DRC3: variants seen among roughly 807,000 people sequenced by gnomAD.
DRC3 encodes the protein leucine rich repeat containing 48.
DRC3 carries 45 observed loss-of-function variants against 57.6 expected under a neutral mutation model. The ratio of observed to expected loss-of-function variants is 0.78; its 90% CI spans 0.62 to 1.00. The LOEUF is 1.00. DRC3 is among the 50% of genes least tolerant of loss of function. DRC3 has a pLI of 0.00. For synonymous variants in DRC3, 257 were observed against 272.3 expected (o/e 0.94, Z 0.55); for missense variants, 655 against 675.2 (o/e 0.97, Z 0.33).
chr17:17,992,690 G>A, intron 5 of DRC3, 75 bp from the exon 6 acceptor site: 1 of 1,493,894 alleles, frequency 6.7e-7, no homozygotes, highest in East Asian at 2.4e-5. Context: ...AAAGAGTACT[G>A]AGGAGGGAGG....
intron 12 of DRC3, chr17:18,015,083 C>T (rs532894054): frequency 6.6e-6 from 1 of 152,312 alleles, no homozygotes; most frequent in South Asian, 2.1e-4. Context: ...GGTTTATTTT[C>T]CACAGGACTT....
At chr17:17,986,572 C>A (rs182273703) in intron 4 of DRC3, among the ~76,000 whole-genome samples, 1 of 150,916 alleles carries the variant, frequency 6.6e-6, no homozygotes, top group Non-Finnish European at 1.5e-5. Context: ...AAGTGGTTCT[C>A]GTGCCTCAGC....
rs780034546 is a variant in DRC3 at position 17,977,644 on chromosome 17, G to C, written c.46G>C (p.Asp16His). 5.6e-6 allele frequency: 9 copies of C among 1,613,890 alleles called. No homozygotes were observed. The African/African-American group carries it at 1.2e-4, about 22-fold the overall frequency. ...GATGGAGCCGAGGGTGATGGACGAT[G>C]ACATGCTCAAGCTGGCCGTCGGGGA... ...NSMEPRVMDDDMLKLAVGDQG... is the reference protein window; with the variant it reads ...NSMEPRVMDDHMLKLAVGDQG... The change falls in exon 3 of 14, where the codon GAC becomes CAC. Residue 16 changes from aspartate to histidine, a missense_variant. Transcript: ENST00000399187.
Position 18,016,549 on chromosome 17 carries a change from A to G in DRC3, c.1459-9A>G. 1 of 1,597,998 alleles carries G rather than the reference A, an allele frequency of 6.3e-7. No homozygotes were observed. Among genetic ancestry groups the G allele is most frequent in the South Asian group, 1.1e-5 (1 of 90,436 alleles). On this transcript the variant is annotated splice_polypyrimidine_tract_variant and intron_variant, in intron 13 of 13. Coordinates refer to ENST00000399187, the MANE Select transcript of DRC3 (RefSeq NM_031294.4). ...ATGTAAGGAATCGGGCTTTGGTTTC[A>G]CTCCTCAGATTCACAAGGATGAGAT...
intron 3 of DRC3, among the ~76,000 whole-genome samples, chr17:17,982,168 T>G (rs1337044078): frequency 6.6e-6 from 1 of 150,946 alleles, no homozygotes; most frequent in Non-Finnish European, 1.5e-5. Context: ...AATTTTTGTA[T>G]TTTTAGTAGA....
chr17:17,975,102 G>A (rs918718378), intron 2 of DRC3, among the ~76,000 whole-genome samples: 2 of 152,152 alleles, frequency 1.3e-5, no homozygotes, highest in African/African-American at 4.8e-5. Flanking sequence ...GGGCTTGACT[G>A]AAAGCAAACT....
chr17:18,001,528 T>C (rs1200621322), intron 9 of DRC3, among the ~76,000 whole-genome samples: 1 of 152,064 alleles, frequency 6.6e-6, no homozygotes, highest in Non-Finnish European at 1.5e-5. Flanking sequence ...ATGTTATTAC[T>C]TTGTAGGAGC....
intron 5 of DRC3, among the ~76,000 whole-genome samples, chr17:17,990,860 G>A (rs1309762682): frequency 1.4e-4 from 21 of 152,036 alleles, no homozygotes; most frequent in African/African-American, 1.2e-4. Flanking sequence ...GTGTGGTGGC[G>A]GGTGCCTGTA....
intron 12 of DRC3, chr17:18,007,988 C>A: frequency 3.6e-6 from 1 of 279,338 alleles, no homozygotes; most frequent in Non-Finnish European, 5.4e-6. Context: ...TCACTGCACA[C>A]TTTTACACAA....
chr17:17,988,603 C>G (rs753115401), intron 5 of DRC3: 11 of 153,674 alleles, frequency 7.2e-5, no homozygotes, highest in Non-Finnish European at 1.4e-4. Context: ...GGGGGTGTGG[C>G]AGCAGCTTTA....
chr17:18,004,279 CT>C, intron 9 of DRC3, 83 bp from the exon 10 acceptor site: 1 of 1,469,538 alleles, frequency 6.8e-7, no homozygotes, highest in Non-Finnish European at 9.3e-7. Flanking sequence ...AGTCCAAATT[CT>C]TACCCACAAA....
At chr17:18,003,478 C>T (rs1273166295) in intron 9 of DRC3, among the ~76,000 whole-genome samples, 3 of 72,238 alleles carry the variant, frequency 4.2e-5, no homozygotes, top group African/African-American at 1.2e-4. Flanking sequence ...AGTGAGACTA[C>T]GTCTTTAAAA....
At chr17:18,016,428 G>A in intron 13 of DRC3, 130 bp from the exon 14 acceptor site, 1 of 791,858 alleles carries the variant, frequency 1.3e-6, no homozygotes, top group Non-Finnish European at 2.0e-6. Flanking sequence ...GCAGAACCTG[G>A]GGAGGCGCTG....
At chr17:17,975,005 C>T (rs749565579) in intron 2 of DRC3, among the ~76,000 whole-genome samples, 1 of 152,158 alleles carries the variant, frequency 6.6e-6, no homozygotes, top group Non-Finnish European at 1.5e-5. Context: ...CCAAAAGATG[C>T]ACAGTCAGGA....
At chr17:17,999,709 C>T (rs1053906695) in intron 9 of DRC3, among the ~76,000 whole-genome samples, 5 of 152,248 alleles carry the variant, frequency 3.3e-5, no homozygotes, top group African/African-American at 4.8e-5. Context: ...TCCTCATTTG[C>T]AGAACAGAGA....
chr17:18,007,123 G>C lies in DRC3; in HGVS notation c.1302G>C (p.Glu434Asp). 1 of 1,491,114 alleles carries C rather than the reference G, an allele frequency of 6.7e-7. No individual in the cohort carries two copies. The highest frequency in any genetic ancestry group is 9.1e-7 in the Non-Finnish European group (1 of 1,104,410). 92.4% of individuals were successfully genotyped at this position (1,491,114 alleles called of 1,614,324 possible). ...AGATTGTCGAGGGCGACCTGGACGAGGACCTGCCTAACGACCTGCGCGCGG... is the reference window on the plus strand; with the variant it reads ...AGATTGTCGAGGGCGACCTGGACGACGACCTGCCTAACGACCTGCGCGCGG... ...LEKIVEGDLD[E>D]DLPNDLRALF... The change falls in exon 12 of 14, where the codon GAG (glutamate) becomes GAC (aspartate). Residue 434 changes from glutamate to aspartate, a missense_variant. By Grantham distance (45) the Glu-to-Asp change is conservative (BLOSUM62 2). Coordinates refer to ENST00000399187, the MANE Select transcript of DRC3 (RefSeq NM_031294.4).
intron 8 of DRC3, chr17:17,995,471 A>C (rs535856387): frequency 1.5e-3 from 308 of 210,360 alleles, no homozygotes; most frequent in Non-Finnish European, 2.2e-3. Flanking sequence ...TTTCTCAACC[A>C]CCCCACTAGG....
chr17:17,984,522 C>A (rs541102144), intron 4 of DRC3, among the ~76,000 whole-genome samples: 2 of 152,338 alleles, frequency 1.3e-5, no homozygotes. Context: ...CTCTTAGGAG[C>A]ATCCTCACAT....
intron 12 of DRC3, chr17:18,007,486 C>G (rs2044022719): frequency 6.4e-7 from 1 of 1,550,662 alleles, no homozygotes; most frequent in Non-Finnish European, 8.7e-7. Context: ...TGAGATTTCC[C>G]CTGGAGGTCT....
Sources: allele counts gnomAD v4.1 joint callset (sites outside exome capture counted in the v4.1 genomes callset), GRCh38; gene constraint gnomAD v4.1.1; transcripts MANE v1.5; gene names NCBI Gene and HGNC (gene_info 2026-07-23, HGNC 2026-07-21).